Variants in RPS6KC1 observed in about 807,000 individuals in gnomAD.
The protein encoded by RPS6KC1 is ribosomal protein S6 kinase C1, also known as inactive ribosomal protein S6 kinase delta-1.
RPS6KC1 carries 54 observed loss-of-function variants against 103.8 expected under a neutral mutation model. That is an observed-to-expected ratio of 0.52 (90% CI 0.42 to 0.65). RPS6KC1 has a LOEUF of 0.65. Among genes scored for constraint, RPS6KC1 ranks in the 30% least tolerant of loss-of-function variants. The pLI, the probability that RPS6KC1 is intolerant of heterozygous loss-of-function variation, is 0.00. For missense variants in RPS6KC1, 1,151 were observed against 1,253.8 expected (o/e 0.92, Z 1.24); for synonymous variants, 439 against 438.7 (o/e 1.00, Z -0.01).
At chr1:213,359,245 C>T in the RPS6KC1 span, among the ~76,000 whole-genome samples, 3 of 152,106 alleles carry the variant, frequency 2.0e-5, no homozygotes, top group Non-Finnish European at 4.4e-5. Flanking sequence ...TGCTCCTGTA[C>T]TGGGTGCATA....
chr1:213,469,795 T>C, the RPS6KC1 span, among the ~76,000 whole-genome samples: 7 of 152,202 alleles, frequency 4.6e-5, no homozygotes, highest in Non-Finnish European at 1.0e-4. Flanking sequence ...GGCAGGAGGA[T>C]TGCTTGAGAC....
chr1:213,389,354 G>A, the RPS6KC1 span, among the ~76,000 whole-genome samples: 1 of 152,308 alleles, frequency 6.6e-6, no homozygotes, highest in Non-Finnish European at 1.5e-5. Flanking sequence ...TCGACAGGAC[G>A]GTTCTCCTGT....
chr1:213,412,641 C>A, the RPS6KC1 span, among the ~76,000 whole-genome samples: 1 of 152,222 alleles, frequency 6.6e-6, no homozygotes, highest in Non-Finnish European at 1.5e-5. Flanking sequence ...GATGGACTTT[C>A]AATCTGGGGA....
At chr1:213,645,333 G>A in the RPS6KC1 span, among the ~76,000 whole-genome samples, 1 of 152,114 alleles carries the variant, frequency 6.6e-6, no homozygotes, top group South Asian at 2.1e-4. Flanking sequence ...CAAGTAGAAG[G>A]TGACAAGGTA....
At chr1:213,262,859 A>C in intron 14 of RPS6KC1, 43 bp downstream of exon 14, 1 of 1,150,896 alleles carries the variant, frequency 8.7e-7, no homozygotes, top group African/African-American at 1.5e-5. Flanking sequence ...AACCATGCAG[A>C]TTAGCAGAGC....
chr1:213,069,796 C>G (rs182629089), intron 1 of RPS6KC1, among the ~76,000 whole-genome samples: 316 of 152,264 alleles, frequency 2.1e-3, no homozygotes, highest in African/African-American at 7.1e-3. Context: ...GCAAAATACA[C>G]CATTGTAGCT....
the RPS6KC1 span, among the ~76,000 whole-genome samples, chr1:213,390,208 G>A: frequency 6.6e-6 from 1 of 152,228 alleles, no homozygotes; most frequent in African/African-American, 2.4e-5. Context: ...TAAGTTGTTT[G>A]TATTTACATG....
At chr1:213,668,114 C>T in the RPS6KC1 span, among the ~76,000 whole-genome samples, 2 of 152,202 alleles carry the variant, frequency 1.3e-5, no homozygotes, top group Non-Finnish European at 2.9e-5. Flanking sequence ...CCATGAATCA[C>T]AAATGTCCTT....
Position 213,232,204 on chromosome 1 carries a change from A to G in RPS6KC1, c.1174A>G (p.Lys392Glu). Residue 392 changes from lysine to glutamate, a missense_variant, in exon 10 of 15, where the codon AAG becomes GAG. Transcript: ENST00000366960. ...RCVPNMVCLH[K>E]YIISEESVFL... ...TGTGCCCAACATGGTGTGTCTGCATAAGTACATCATCTCTGAGGAGTCAGT... is the reference window on the plus strand; with the variant it reads ...TGTGCCCAACATGGTGTGTCTGCATGAGTACATCATCTCTGAGGAGTCAGT... 6.2e-7 allele frequency: 1 copy of G among 1,614,024 alleles called. No homozygotes were observed. The highest frequency in any genetic ancestry group is 8.5e-7 in the Non-Finnish European group (1 of 1,179,896).
At chr1:213,653,466 A>C in the RPS6KC1 span, among the ~76,000 whole-genome samples, 3 of 152,134 alleles carry the variant, frequency 2.0e-5, no homozygotes, top group Non-Finnish European at 4.4e-5. Flanking sequence ...TCTCAAAAAA[A>C]AAAAATTACT....
At chr1:213,425,879 G>A in the RPS6KC1 span, among the ~76,000 whole-genome samples, 1 of 152,172 alleles carries the variant, frequency 6.6e-6, no homozygotes, top group African/African-American at 2.4e-5. Flanking sequence ...CTGAAGGATG[G>A]TGACCAGCGG....
chr1:213,193,982 A>G (rs1426047718), intron 8 of RPS6KC1, among the ~76,000 whole-genome samples: 2 of 152,114 alleles, frequency 1.3e-5, no homozygotes, highest in East Asian at 3.8e-4. Context: ...TATTTGCTTT[A>G]TATATCTGGG....
chr1:213,829,359 A>G, the RPS6KC1 span, among the ~76,000 whole-genome samples: 67 of 151,662 alleles, frequency 4.4e-4, no homozygotes, highest in African/African-American at 1.5e-3. Flanking sequence ...CAAAAGAAGG[A>G]TAAGATATTG....
At chr1:213,627,571 G>A in the RPS6KC1 span, among the ~76,000 whole-genome samples, 2 of 152,072 alleles carry the variant, frequency 1.3e-5, no homozygotes, top group Non-Finnish European at 2.9e-5. Context: ...GTCATAGATA[G>A]CTCTTATTAT....
chr1:213,195,397 G>A (rs1241027761), intron 8 of RPS6KC1, among the ~76,000 whole-genome samples: 1 of 152,118 alleles, frequency 6.6e-6, no homozygotes, highest in Non-Finnish European at 1.5e-5. Flanking sequence ...CAACTTTCTA[G>A]TGACTCTACA....
the RPS6KC1 span, among the ~76,000 whole-genome samples, chr1:213,414,704 G>C: frequency 6.6e-6 from 1 of 151,750 alleles, no homozygotes; most frequent in Non-Finnish European, 1.5e-5. Context: ...TGTTATGGGA[G>C]CCCTAGGAAA....
At chr1:213,830,777 C>T in the RPS6KC1 span, among the ~76,000 whole-genome samples, 1 of 152,114 alleles carries the variant, frequency 6.6e-6, no homozygotes, top group Non-Finnish European at 1.5e-5. Context: ...GGATCCCTTC[C>T]CCTACTCTTT....
At chr1:213,746,049 A>G in the RPS6KC1 span, among the ~76,000 whole-genome samples, 1 of 152,206 alleles carries the variant, frequency 6.6e-6, no homozygotes, top group African/African-American at 2.4e-5. Context: ...ATGTGCCAGG[A>G]GCTTAGCTTG....
At chr1:213,503,188 G>T in the RPS6KC1 span, among the ~76,000 whole-genome samples, 1 of 151,714 alleles carries the variant, frequency 6.6e-6, no homozygotes, top group Non-Finnish European at 1.5e-5. Flanking sequence ...TGCCATGCAT[G>T]GTCCTTAACT....
Sources: allele counts gnomAD v4.1 joint callset (sites outside exome capture counted in the v4.1 genomes callset), GRCh38; gene constraint gnomAD v4.1.1; transcripts MANE v1.5; gene names NCBI Gene and HGNC (gene_info 2026-07-23, HGNC 2026-07-21).